The following LOC400499 variants were observed in gnomAD, a reference collection of about 807,000 sequenced individuals.
chr16:11,379,716 C>T, the LOC400499 span, among the ~76,000 whole-genome samples: 1 of 152,236 alleles, frequency 6.6e-6, no homozygotes, highest in South Asian at 2.1e-4. Context: ...TTGTTTTCTG[C>T]ATGGCTTATG....
At chr16:11,381,256 T>C in the LOC400499 span, 3 of 152,190 alleles carry the variant, frequency 2.0e-5, no homozygotes, top group African/African-American at 7.2e-5. Context: ...TTTTGAGTTT[T>C]TGTTTTGTGA....
the LOC400499 span, chr16:11,471,575 C>G: frequency 5.3e-5 from 21 of 398,734 alleles, no homozygotes; most frequent in African/African-American, 1.0e-4. Context: ...AGCCCCACGT[C>G]CTTTAGGGTG....
the LOC400499 span, among the ~76,000 whole-genome samples, chr16:11,448,338 C>T: frequency 3.7e-4 from 56 of 152,332 alleles, 1 homozygote; most frequent in South Asian, 4.1e-3. Flanking sequence ...CCAAGTTTTG[C>T]TCCTGGATCT....
the LOC400499 span, chr16:11,398,607 C>G: frequency 5.3e-6 from 5 of 941,066 alleles, no homozygotes; most frequent in South Asian, 2.7e-4. Flanking sequence ...GAGCATGTGC[C>G]AGGAATGTGC....
At chr16:11,454,616 C>G in the LOC400499 span, among the ~76,000 whole-genome samples, 2 of 152,210 alleles carry the variant, frequency 1.3e-5, no homozygotes, top group African/African-American at 4.8e-5. Flanking sequence ...AGGGTTGTCC[C>G]CAGAGCCTTA....
the LOC400499 span, among the ~76,000 whole-genome samples, chr16:11,387,743 C>G: frequency 6.6e-6 from 1 of 152,140 alleles, no homozygotes; most frequent in African/African-American, 2.4e-5. Flanking sequence ...CCTGCCTCAG[C>G]CTCCCAAGTA....
At chr16:11,477,857 C>T in the LOC400499 span, 13 of 399,000 alleles carry the variant, frequency 3.3e-5, no homozygotes, top group South Asian at 2.5e-4. Flanking sequence ...GAAATCCGAG[C>T]GCTGCTGGAA....
chr16:11,393,555 C>G, the LOC400499 span: 105 of 1,232,396 alleles, frequency 8.5e-5, 1 homozygote, highest in South Asian at 3.7e-3. Context: ...CTTGGAGCCA[C>G]GAAGCTGGGA....
the LOC400499 span, chr16:11,391,930 T>C: frequency 1.2e-6 from 1 of 820,358 alleles, no homozygotes; most frequent in Non-Finnish European, 1.6e-6. Context: ...CCCTCCTGCC[T>C]GGTGAGTGGG....
At chr16:11,378,813 A>G in the LOC400499 span, among the ~76,000 whole-genome samples, 1 of 152,244 alleles carries the variant, frequency 6.6e-6, no homozygotes, top group African/African-American at 2.4e-5. Flanking sequence ...CTAACATACA[A>G]TCTTTCCTGG....
At chr16:11,516,353 A>C in the LOC400499 span, 2 of 399,006 alleles carry the variant, frequency 5.0e-6, no homozygotes, top group Admixed American at 4.4e-5. Context: ...CCAGTGCCCC[A>C]GGCCACTTGC....
At chr16:11,396,651 T>C in the LOC400499 span, 1 of 1,229,994 alleles carries the variant, frequency 8.1e-7, no homozygotes, top group Admixed American at 4.2e-5. Flanking sequence ...TGGCCCAGGG[T>C]GTGCTCCCCG....
At chr16:11,475,013 T>C in the LOC400499 span, among the ~76,000 whole-genome samples, 1 of 152,236 alleles carries the variant, frequency 6.6e-6, no homozygotes, top group African/African-American at 2.4e-5. Flanking sequence ...GCGCAGCTAT[T>C]CTATGTTCAC....
At chr16:11,517,696 A>C in the LOC400499 span, among the ~76,000 whole-genome samples, 1 of 152,144 alleles carries the variant, frequency 6.6e-6, no homozygotes, top group African/African-American at 2.4e-5. Flanking sequence ...AGGAGCTGGC[A>C]CCAGAATTCA....
At chr16:11,476,498 C>T in the LOC400499 span, among the ~76,000 whole-genome samples, 2 of 152,124 alleles carry the variant, frequency 1.3e-5, no homozygotes, top group Non-Finnish European at 2.9e-5. Flanking sequence ...TCACTCCTCA[C>T]TGCCACACTC....
At chr16:11,406,373 G>A in the LOC400499 span, among the ~76,000 whole-genome samples, 7 of 152,146 alleles carry the variant, frequency 4.6e-5, no homozygotes, top group Admixed American at 3.9e-4. Context: ...ATATTCCATG[G>A]TGTATATATA....
the LOC400499 span, among the ~76,000 whole-genome samples, chr16:11,504,275 G>T: frequency 6.6e-6 from 1 of 152,186 alleles, no homozygotes; most frequent in Non-Finnish European, 1.5e-5. Flanking sequence ...CAAGTCCAGG[G>T]CCTGGCGCGG....
the LOC400499 span, among the ~76,000 whole-genome samples, chr16:11,376,504 T>A: frequency 3.3e-5 from 5 of 152,214 alleles, no homozygotes; most frequent in African/African-American, 1.2e-4. Context: ...TTTGACCACA[T>A]GTGTAAGAGT....
chr16:11,405,004 G>T, the LOC400499 span: 1 of 396,488 alleles, frequency 2.5e-6, no homozygotes, highest in Non-Finnish European at 4.4e-6. Context: ...ACATATGTCA[G>T]GGGATCAAAA....
Sources: allele counts gnomAD v4.1 joint callset (sites outside exome capture counted in the v4.1 genomes callset), GRCh38; gene constraint gnomAD v4.1.1; transcripts MANE v1.5.